Variants in MYT1 observed in about 807,000 individuals in gnomAD.
MYT1 encodes myelin transcription factor I.
A neutral mutation model predicts 123.0 loss-of-function variants in MYT1; 23 were observed. The observed-to-expected ratio is 0.19, with a 90% confidence interval of 0.13 to 0.26. The LOEUF is 0.26. MYT1 is among the 10% of genes least tolerant of loss of function. The pLI, the probability that MYT1 is intolerant of heterozygous loss-of-function variation, is 1.00. For missense variants in MYT1, 1,125 were observed against 1,472.5 expected, an observed-to-expected ratio of 0.76 and a Z score of 3.86; for synonymous variants, 518 against 575.3, an observed-to-expected ratio of 0.90 and a Z score of 1.43.
Position 64,218,014 on chromosome 20 carries a change from ATGT to A in MYT1, c.1846+737_1846+739del, listed in dbSNP as rs1415927096. Among the ~76,000 whole-genome samples the A allele has an allele frequency of 6.6e-6, 1 of 152,228 alleles. No homozygotes were observed. Among genetic ancestry groups the A allele is most frequent in the Non-Finnish European group, 1.5e-5 (1 of 68,036 alleles). On this transcript the variant is annotated intron_variant, in intron 11 of 22. Coordinates refer to ENST00000328439, the MANE Select transcript of MYT1 (RefSeq NM_004535.3). The surrounding 1 kb of genome is among the most constrained non-coding windows in gnomAD (Gnocchi z 4.0). ...GATTGGGAGTGGCATCGCGGGGCAGATGTTGTCAGCCCCAAACATGACGTGACG... is the reference window on the plus strand; with the variant it reads ...GATTGGGAGTGGCATCGCGGGGCAGATGTCAGCCCCAAACATGACGTGACG...
intron 1 of MYT1, among the ~76,000 whole-genome samples, chr20:64,170,073 T>C (rs1370169081): frequency 6.6e-6 from 1 of 151,836 alleles, no homozygotes; most frequent in Non-Finnish European, 1.5e-5. Flanking sequence ...CTGGGACATA[T>C]CTAGAGCCTG....
rs1057289853 is a variant in MYT1 at position 64,221,755 on chromosome 20, C to T, written c.2242-138C>T. The T allele has an allele frequency of 1.3e-5, 11 of 862,360 alleles. No homozygotes were observed. The African/African-American group carries it at 1.5e-4, about 12-fold the overall frequency. The allele number at this position is 862,360 out of a possible 1,614,324, so 53.4% of individuals were successfully genotyped here. The stretch of plus-strand genomic sequence containing the variant: ...GCTGGGGGGAGTTAAGTCTTCCTCC[C>T]TTATCCAGAAGATAGGAGACTCCGG... On this transcript the variant is annotated intron_variant, in intron 13 of 22. Transcript: ENST00000328439.
At chr20:64,214,947 C>T (rs1402571642) in intron 10 of MYT1, among the ~76,000 whole-genome samples, 1 of 152,344 alleles carries the variant, frequency 6.6e-6, no homozygotes, top group Non-Finnish European at 1.5e-5. Flanking sequence ...AGGTGCAATT[C>T]CCACACGTGG....
chr20:64,233,390 TCCCCA>T (rs1984403444), intron 19 of MYT1, among the ~76,000 whole-genome samples: 1 of 132 alleles, frequency 7.6e-3, no homozygotes, highest in Non-Finnish European at 0.013. Flanking sequence ...CCCCACTCCC[TCCCCA>T]CCCCCTCTCC....
chr20:64,167,762 C>T lies in MYT1; in HGVS notation c.-99+3023C>T, dbSNP rs1982126697. Among the ~76,000 whole-genome samples, 1 of 152,220 alleles carries T rather than the reference C, an allele frequency of 6.6e-6. No homozygotes were observed. The highest frequency in any genetic ancestry group is 1.5e-5 in the Non-Finnish European group (1 of 68,054). On this transcript the variant is annotated intron_variant, in intron 1 of 22. Transcript: ENST00000328439. The surrounding 1 kb of genome is among the most constrained non-coding windows in gnomAD (Gnocchi z 6.3). ...TCCCATCTTCCTCATCTTAGATCCT[C>T]CCCCTCTGCATTTTCCGTGTGAACT...
Position 64,208,625 on chromosome 20 carries a change from C to A in MYT1, c.1291+138C>A. The stretch of plus-strand genomic sequence containing the variant: ...AGCAGACAAAAGGACAAATACATGA[C>A]ACAGACTGTGGTCAGATACTGAGCA... On this transcript the variant is annotated intron_variant, in intron 7 of 22. Coordinates refer to ENST00000328439, the MANE Select transcript of MYT1 (RefSeq NM_004535.3). This position sits in a 1 kb window ranked among gnomAD's most constrained non-coding sequence, Gnocchi z 5.4. 7.2e-7 allele frequency: 1 copy of A among 1,384,012 alleles called. No individual in the cohort carries two copies. 85.7% of individuals were successfully genotyped at this position (1,384,012 alleles called of 1,614,324 possible).
At chr20:64,234,928 GGCCA>G (rs1984459538) in intron 19 of MYT1, among the ~76,000 whole-genome samples, 2 of 149,802 alleles carry the variant, frequency 1.3e-5, no homozygotes, top group African/African-American at 4.9e-5. Flanking sequence ...ACCCTTGGCT[GGCCA>G]TGGTGGGTGA....
rs376402707 is a variant in MYT1 at position 64,236,404 on chromosome 20, C to A, written c.2898-151C>A. The A allele has an allele frequency of 5.2e-3, 3,347 of 644,030 alleles. 17 individuals are homozygous for A. Among genetic ancestry groups the A allele is most frequent in the African/African-American group, 0.02 (1,057 of 51,990 alleles). The allele number at this position is 644,030 out of a possible 1,614,324, so 39.9% of individuals were successfully genotyped here. ...GATGGCCGTGGTGGGTGACCCTGGGCTGGCCGTGGTGGGTGACCCTGGGAT... is the reference window on the plus strand; with the variant it reads ...GATGGCCGTGGTGGGTGACCCTGGGATGGCCGTGGTGGGTGACCCTGGGAT... On this transcript the variant is annotated intron_variant, in intron 19 of 22. Transcript: ENST00000328439.
intron 20 of MYT1, 46 bp from the exon 21 acceptor site, chr20:64,237,241 C>A (rs371278011): frequency 3.2e-6 from 5 of 1,543,502 alleles, no homozygotes; most frequent in African/African-American, 2.7e-5. Context: ...TTGGCCCAGG[C>A]CTGCCTGAGG....
At position 64,207,520 on chromosome 20, in the gene MYT1, G is replaced by A. The variant is rs1384858854; in HGVS notation, c.398-74G>A. On this transcript the variant is annotated intron_variant, in intron 6 of 22. Transcript: ENST00000328439. ...GGTAGGTCAGGTGGAGGGGTGGTGG[G>A]TGTGTTGGGGACTGGAGACCTGGAG... 14 of 1,549,344 alleles carry A rather than the reference G, an allele frequency of 9.0e-6. No individual in the cohort carries two copies. In the African/African-American group the frequency reaches 9.6e-5, roughly 11 times the overall value.
Position 64,202,201 on chromosome 20 carries a change from G to A in MYT1, c.86+2279G>A, listed in dbSNP as rs1289074182. ...CTCCCAGGAAGACAGTCCATTGGTTGTTTACCAGGTGAGCTGAGGAGAGGT... is the reference window on the plus strand; with the variant it reads ...CTCCCAGGAAGACAGTCCATTGGTTATTTACCAGGTGAGCTGAGGAGAGGT... On this transcript the variant is annotated intron_variant, in intron 4 of 22. Coordinates refer to ENST00000328439, the MANE Select transcript of MYT1 (RefSeq NM_004535.3). The surrounding 1 kb of genome is among the most constrained non-coding windows in gnomAD (Gnocchi z 5.0). Among the ~76,000 whole-genome samples, 1 of 152,216 alleles carries A rather than the reference G, an allele frequency of 6.6e-6. No homozygotes were observed. Among genetic ancestry groups the A allele is most frequent in the East Asian group, 1.9e-4 (1 of 5,182 alleles).
At chr20:64,180,113 G>A (rs191317622) in intron 1 of MYT1, among the ~76,000 whole-genome samples, 272 of 148,530 alleles carry the variant, frequency 1.8e-3, no homozygotes, top group South Asian at 0.012. Context: ...CTACACACAC[G>A]CTACACACAG....
chr20:64,206,138 G>A (rs952044709), intron 6 of MYT1, among the ~76,000 whole-genome samples: 5 of 152,150 alleles, frequency 3.3e-5, no homozygotes, highest in Middle Eastern at 3.2e-3. Flanking sequence ...GTCTCTGTGT[G>A]TCTGTAAGTG....
chr20:64,219,380 G>A (rs1983929324), intron 12 of MYT1, among the ~76,000 whole-genome samples: 1 of 152,234 alleles, frequency 6.6e-6, no homozygotes, highest in Admixed American at 6.5e-5. Flanking sequence ...CCAGGGCGGT[G>A]CACGTGCCCT....
In MYT1 at chr20:64,239,956, G is replaced by A. The variant is rs1007672104; in HGVS notation, c.3237+53G>A. The A allele has an allele frequency of 5.6e-5, 89 of 1,594,558 alleles. 1 individual carries two copies. Among genetic ancestry groups the A allele is most frequent in the Middle Eastern group, 1.7e-4 (1 of 5,980 alleles). Reference sequence around the variant, plus strand: ...CACAGCTACCCCCCAGGGTCTCTTCGGAAAGCAGGAGGGCAGGGCATCTCC... The same window carrying A: ...CACAGCTACCCCCCAGGGTCTCTTCAGAAAGCAGGAGGGCAGGGCATCTCC... On this transcript the variant is annotated intron_variant, in intron 22 of 22. Coordinates refer to ENST00000328439, the MANE Select transcript of MYT1 (RefSeq NM_004535.3).
Position 64,189,184 on chromosome 20 carries a change from G to A in MYT1, c.-98-879G>A, listed in dbSNP as rs1051294318. ...AAGAAAGAAAGTGGGTGGGAATAGC[G>A]TGCCTTCGGCAGAATCCAAACTCAC... On this transcript the variant is annotated intron_variant, in intron 1 of 22. Coordinates refer to ENST00000328439, the MANE Select transcript of MYT1 (RefSeq NM_004535.3). This position sits in a 1 kb window ranked among gnomAD's most constrained non-coding sequence, Gnocchi z 5.5. Among the ~76,000 whole-genome samples the A allele has an allele frequency of 1.1e-4, 16 of 152,340 alleles. No individual in the cohort carries two copies. The highest frequency in any genetic ancestry group is 7.2e-4 in the Admixed American group (11 of 15,306).
intron 1 of MYT1, among the ~76,000 whole-genome samples, chr20:64,178,256 GA>G (rs1449179695): frequency 1.3e-5 from 2 of 152,230 alleles, no homozygotes; most frequent in African/African-American, 4.8e-5. Context: ...GCGTGTTGCT[GA>G]TGCGATGCCA....
At chr20:64,222,336 A>G (rs1341340665) in intron 14 of MYT1, among the ~76,000 whole-genome samples, 1 of 152,230 alleles carries the variant, frequency 6.6e-6, no homozygotes, top group African/African-American at 2.4e-5. Flanking sequence ...AGAGTGGAGG[A>G]GAGCTCCTCA....
chr20:64,223,584 C>T (rs1057001133), intron 16 of MYT1, among the ~76,000 whole-genome samples: 1 of 152,076 alleles, frequency 6.6e-6, no homozygotes, highest in Non-Finnish European at 1.5e-5. Flanking sequence ...TTTGCCTCTC[C>T]GCTGGGGGCT....
Sources: gnomAD v4.1 joint callset for allele counts (sites outside exome capture counted in the v4.1 genomes callset) on GRCh38, gnomAD v4.1.1 for gene constraint, Gnocchi (gnomAD v3.1) non-coding constraint, MANE v1.5 for transcripts, NCBI Gene and HGNC (gene_info 2026-07-23, HGNC 2026-07-21) for gene names.